GRXCR2: variants seen among roughly 807,000 people sequenced by gnomAD.
GRXCR2 encodes glutaredoxin domain-containing cysteine-rich protein 2.
GRXCR2 carries 23 observed loss-of-function variants against 24.8 expected under a neutral mutation model. That is an observed-to-expected ratio of 0.93 (90% CI 0.67 to 1.32). The LOEUF (loss-of-function observed/expected upper bound fraction) is 1.32. Ranked by LOEUF, GRXCR2 falls within the 40% of genes most tolerant of loss-of-function variation. The pLI is 0.00. For missense variants in GRXCR2, 315 were observed against 303.4 expected (o/e 1.04, Z -0.28); for synonymous variants, 130 against 116.1 (o/e 1.12, Z -0.77).
chr5:145,874,211 T>A (rs1010569163), upstream of GRXCR2, among the ~76,000 whole-genome samples: 2 of 145,232 alleles, frequency 1.4e-5, no homozygotes, highest in South Asian at 2.1e-4. Flanking sequence ...TTTATTTTAT[T>A]TTTTTTTTTT....
chr5:145,899,231 A>G (rs958886561), intron 2 of GRXCR2, among the ~76,000 whole-genome samples: 1 of 152,102 alleles, frequency 6.6e-6, no homozygotes, highest in African/African-American at 2.4e-5. Context: ...AAAAAGAACT[A>G]AAAACACTGC....
rs184422882 is a variant in GRXCR2, at chr5:145,894,426, C to T, written c.-69-27698G>A. Among the ~76,000 whole-genome samples, 372 of 152,084 alleles carry T rather than the reference C, an allele frequency of 2.4e-3. 4 individuals are homozygous for T. Among genetic ancestry groups the T allele is most frequent in the Non-Finnish European group, 4.6e-4 (31 of 67,990 alleles). On this transcript the variant is annotated intron_variant, in intron 2 of 3. Transcript: ENST00000639411. ...AGAAAAGAGAGAAGAATCAAATAGA[C>T]GCAATGAAAAATGATAAAGGGGATA... is the stretch of plus-strand genomic sequence containing the variant.
rs555785467 is a variant in GRXCR2 at position 145,862,249 on chromosome 5, T to C, written c.565-2334A>G. Among the ~76,000 whole-genome samples, 4 of 152,302 alleles carry C rather than the reference T, an allele frequency of 2.6e-5. No homozygotes were observed. In the Middle Eastern group the frequency reaches 0.01, roughly 389 times the overall value. Reference sequence around the variant, plus strand: ...TTTGCATAAAACGCCAGATCAGATATTGAAAGATTAATGAAATGACCTAGT... The same window carrying C: ...TTTGCATAAAACGCCAGATCAGATACTGAAAGATTAATGAAATGACCTAGT... On this transcript the variant is annotated intron_variant, in intron 2 of 2. Transcript: ENST00000377976.
intron 2 of GRXCR2, among the ~76,000 whole-genome samples, chr5:145,865,168 CT>C (rs527773516): frequency 1.5e-3 from 227 of 152,240 alleles, no homozygotes; most frequent in Non-Finnish European, 2.8e-3. Context: ...CAGAAAGCCC[CT>C]GACCAATTTT....
At chr5:145,881,969 G>A (rs1209270870) in intron 2 of GRXCR2, among the ~76,000 whole-genome samples, 2 of 152,206 alleles carry the variant, frequency 1.3e-5, no homozygotes, top group Admixed American at 6.5e-5. Flanking sequence ...CTAGCCATAT[G>A]TAGAAAACTG....
At position 145,910,839 on chromosome 5, in the gene GRXCR2, TG is replaced by T. The variant is rs1757154800; in HGVS notation, c.-70+24861del. On this transcript the variant is annotated intron_variant, in intron 2 of 3. Coordinates refer to the GRXCR2 transcript ENST00000639411. ...AGATAAGAAGGGGAACTATGTGAAGTGTGTGTGTGTGTGTGTGTGTACCCGT... is the reference window on the plus strand; with the variant it reads ...AGATAAGAAGGGGAACTATGTGAAGTTGTGTGTGTGTGTGTGTGTACCCGT... 3.3e-5 allele frequency among the ~76,000 whole-genome samples: 5 copies of T among 149,698 alleles called. No homozygotes were observed. The South Asian group carries it at 1.1e-3, about 32-fold the overall frequency.
At chr5:145,873,380 A>G (rs923575462), upstream of GRXCR2, among the ~76,000 whole-genome samples, 2 of 152,254 alleles carry the variant, frequency 1.3e-5, no homozygotes, top group East Asian at 1.9e-4. Flanking sequence ...TGAGCATTTC[A>G]TAAGTACCAG....
intron 1 of GRXCR2, among the ~76,000 whole-genome samples, chr5:145,869,703 G>A (rs1311662243): frequency 3.3e-5 from 5 of 151,882 alleles, no homozygotes; most frequent in African/African-American, 4.8e-5. Flanking sequence ...GACTACAGGC[G>A]CCCGCCACCA....
At chr5:145,913,067 A>G (rs55658462) in intron 2 of GRXCR2, among the ~76,000 whole-genome samples, 1,578 of 152,326 alleles carry the variant, frequency 0.01, 34 homozygotes, top group African/African-American at 0.036. Context: ...GATTTACAGA[A>G]AAGTGACAAA....
intron 2 of GRXCR2, among the ~76,000 whole-genome samples, chr5:145,919,631 A>G (rs1010637702): frequency 6.6e-6 from 1 of 152,090 alleles, no homozygotes; most frequent in Admixed American, 6.5e-5. Context: ...AGGGAGGAGG[A>G]GAAGCTGTTA....
chr5:145,890,936 C>G (rs3995501), intron 2 of GRXCR2, among the ~76,000 whole-genome samples: 56,397 of 151,760 alleles, frequency 0.37, 11,142 homozygotes, highest in East Asian at 0.71. Flanking sequence ...AAAAGATCTG[C>G]CACACAAATA....
chr5:145,870,873 A>T (rs934432768), intron 1 of GRXCR2, among the ~76,000 whole-genome samples: 1 of 152,142 alleles, frequency 6.6e-6, no homozygotes, highest in Non-Finnish European at 1.5e-5. Flanking sequence ...GGCCTCTAAA[A>T]CACATAGAGT....
chr5:145,877,601 T>C (rs952739417), upstream of GRXCR2, among the ~76,000 whole-genome samples: 3 of 152,264 alleles, frequency 2.0e-5, no homozygotes, highest in Non-Finnish European at 4.4e-5. Context: ...TGTTCCAAGA[T>C]GGCCGAATAG....
At chr5:145,865,856 G>C (rs2149909481) in intron 2 of GRXCR2, among the ~76,000 whole-genome samples, 1 of 152,246 alleles carries the variant, frequency 6.6e-6, no homozygotes, top group Non-Finnish European at 1.5e-5. Context: ...GATAGGGCCA[G>C]GCCAGGCACG....
intron 2 of GRXCR2, among the ~76,000 whole-genome samples, chr5:145,896,198 T>A (rs1756945972): frequency 2.0e-5 from 3 of 151,960 alleles, no homozygotes; most frequent in Non-Finnish European, 2.9e-5. Context: ...AACCTAGGCA[T>A]TACCATTCAG....
intron 2 of GRXCR2, among the ~76,000 whole-genome samples, chr5:145,900,853 C>T (rs1414622392): frequency 1.3e-5 from 2 of 152,144 alleles, no homozygotes; most frequent in Non-Finnish European, 1.5e-5. Context: ...ACACTCAATG[C>T]AGGGCTATTC....
chr5:145,911,491 T>C (rs1483626647), intron 2 of GRXCR2, among the ~76,000 whole-genome samples: 1 of 152,170 alleles, frequency 6.6e-6, no homozygotes, highest in Non-Finnish European at 1.5e-5. Context: ...ACACTACTTG[T>C]AGAAAATGTG....
intron 2 of GRXCR2, among the ~76,000 whole-genome samples, chr5:145,930,910 G>A (rs1303526699): frequency 6.6e-6 from 1 of 152,208 alleles, no homozygotes; most frequent in Non-Finnish European, 1.5e-5. Flanking sequence ...TATCCATGAG[G>A]AATCCAAGGA....
chr5:145,874,717 T>A (rs1756586707), upstream of GRXCR2, among the ~76,000 whole-genome samples: 1 of 152,210 alleles, frequency 6.6e-6, no homozygotes, highest in African/African-American at 2.4e-5. Context: ...TCTTTTCTAG[T>A]GCATCAGGGC....
Sources: gnomAD v4.1 joint callset for allele counts (sites outside exome capture counted in the v4.1 genomes callset) on GRCh38, gnomAD v4.1.1 for gene constraint, MANE v1.5 for transcripts, NCBI Gene and HGNC (gene_info 2026-07-23, HGNC 2026-07-21) for gene names.